Variants in MICAL2 observed in about 807,000 individuals in gnomAD.
The protein encoded by MICAL2 is [F-actin]-monooxygenase MICAL2.
Under a neutral mutation model 127.3 loss-of-function variants are expected in MICAL2, and 77 were observed. The observed-to-expected ratio is 0.60, with a 90% confidence interval of 0.50 to 0.73. The LOEUF (loss-of-function observed/expected upper bound fraction) is 0.73. MICAL2 is among the 30% of genes least tolerant of loss of function. MICAL2 has a pLI of 0.00. For synonymous variants in MICAL2, 570 were observed against 551.1 expected (o/e 1.03, Z -0.48); for missense variants, 1,351 against 1,434.4 (o/e 0.94, Z 0.94).
intron 29 of MICAL2, among the ~76,000 whole-genome samples, chr11:12,300,758 A>G (rs1180719062): frequency 1.3e-5 from 2 of 152,176 alleles, no homozygotes; most frequent in Non-Finnish European, 2.9e-5. Flanking sequence ...GCAGCCTTAT[A>G]AGACCCTGAG....
At chr11:12,136,545 G>C (rs1851853096) in intron 1 of MICAL2, among the ~76,000 whole-genome samples, 1 of 152,104 alleles carries the variant, frequency 6.6e-6, no homozygotes, top group Admixed American at 6.5e-5. Context: ...TACCTGGAGG[G>C]GGGCAGCTGA....
At chr11:12,291,367 A>G (rs538006346), downstream of MICAL2, among the ~76,000 whole-genome samples, 3 of 152,270 alleles carry the variant, frequency 2.0e-5, no homozygotes, top group East Asian at 5.8e-4. Flanking sequence ...GACAGTGCGC[A>G]CATGTGAGCT....
chr11:12,332,709 TA>T (rs1729486599), intron 32 of MICAL2, among the ~76,000 whole-genome samples: 1 of 152,140 alleles, frequency 6.6e-6, no homozygotes, highest in Non-Finnish European at 1.5e-5. Flanking sequence ...AGTTGTCCCA[TA>T]GCTAGGGAGC....
intron 3 of MICAL2, among the ~76,000 whole-genome samples, chr11:12,182,814 C>T (rs1384434883): frequency 6.6e-6 from 1 of 152,184 alleles, no homozygotes; most frequent in Non-Finnish European, 1.5e-5. Flanking sequence ...CACCTCCAGC[C>T]TGAGCTCATG....
chr11:12,190,321 C>T (rs898834731), intron 3 of MICAL2, among the ~76,000 whole-genome samples: 1 of 152,160 alleles, frequency 6.6e-6, no homozygotes, highest in African/African-American at 2.4e-5. Context: ...CCTACGTAAC[C>T]ATCTTCTGTG....
At position 12,220,150 on chromosome 11, in the gene MICAL2, G is replaced by C. The variant is rs758556402; in HGVS notation, c.949-51G>C. On this transcript the variant is annotated intron_variant, in intron 8 of 27. Coordinates refer to ENST00000683283, the MANE Select transcript of MICAL2 (RefSeq NM_001282663.2). ...CTTTTGCCAAGAGGTGGGTATGAAG[G>C]CTAGCCCTTTAGAGGGGGAGGTTGC... 21 of 1,606,826 alleles carry C rather than the reference G, an allele frequency of 1.3e-5. No individual in the cohort carries two copies. In the South Asian group the frequency reaches 1.5e-4, roughly 12 times the overall value.
At chr11:12,299,040 C>T (rs1864016995) in intron 29 of MICAL2, among the ~76,000 whole-genome samples, 1 of 152,098 alleles carries the variant, frequency 6.6e-6, no homozygotes, top group African/African-American at 2.4e-5. Context: ...ATTTTCCTGG[C>T]TTGCTTAGCA....
At position 12,224,699 on chromosome 11, in the gene MICAL2, C is replaced by T. The variant is rs953864826; in HGVS notation, c.1567C>T (p.Leu523=). The T allele has an allele frequency of 1.2e-6, 2 of 1,614,066 alleles. No homozygotes were observed. Among genetic ancestry groups the T allele is most frequent in the African/African-American group, 2.7e-5 (2 of 74,936 alleles). ...KESDIRPSKL[L]TWCQQQTEGY... Reference sequence around the variant, plus strand: ...GTCAGATATCCGGCCCAGCAAGCTCCTGACCTGGTGCCAGCAGCAGACAGA... The same window carrying T: ...GTCAGATATCCGGCCCAGCAAGCTCTTGACCTGGTGCCAGCAGCAGACAGA... Residue 523 remains leucine (L), a synonymous_variant, in exon 13 of 28, where the codon CTG becomes TTG. Transcript: ENST00000683283.
Position 12,214,521 on chromosome 11 carries a change from A to C in MICAL2, c.847+1111A>C, listed in dbSNP as rs117566332. On this transcript the variant is annotated intron_variant, in intron 7 of 27. Coordinates refer to ENST00000683283, the MANE Select transcript of MICAL2 (RefSeq NM_001282663.2). Reference sequence around the variant, plus strand: ...TAGGGGCTGTGGAATATCTCATCAAATTGATGTATTGTCACTGCCTAAGCA... The same window carrying C: ...TAGGGGCTGTGGAATATCTCATCAACTTGATGTATTGTCACTGCCTAAGCA... Among the ~76,000 whole-genome samples, 1,046 of 152,336 alleles carry C rather than the reference A, an allele frequency of 6.9e-3. 3 individuals carry two copies. Among genetic ancestry groups the C allele is most frequent in the Middle Eastern group, 0.017 (5 of 294 alleles).
intron 3 of MICAL2, among the ~76,000 whole-genome samples, chr11:12,184,536 G>A (rs1312013681): frequency 6.6e-6 from 1 of 152,220 alleles, no homozygotes; most frequent in East Asian, 1.9e-4. Flanking sequence ...CTGTCCCAGC[G>A]AATGTCTGAC....
intron 22 of MICAL2, chr11:12,250,104 G>T (rs566840753): frequency 6.6e-6 from 1 of 152,316 alleles, no homozygotes; most frequent in East Asian, 1.9e-4. Flanking sequence ...CAACAGCTGC[G>T]TCGCCGTGTT....
intron 1 of MICAL2, among the ~76,000 whole-genome samples, chr11:12,279,329 G>A (rs1218003849): frequency 6.6e-6 from 1 of 152,172 alleles, no homozygotes; most frequent in Non-Finnish European, 1.5e-5. Flanking sequence ...GTAGATGTGG[G>A]GAGAACATGA....
At chr11:12,180,351 T>TATATA (rs1565108124) in intron 3 of MICAL2, among the ~76,000 whole-genome samples, 1 of 92,700 alleles carries the variant, frequency 1.1e-5, no homozygotes, top group Non-Finnish European at 2.2e-5. Context: ...ATGTATATAT[T>TATATA]TTTTTTTTGG....
At chr11:12,353,134 A>G (rs1017894022) in intron 33 of MICAL2, among the ~76,000 whole-genome samples, 1 of 152,198 alleles carries the variant, frequency 6.6e-6, no homozygotes, top group Non-Finnish European at 1.5e-5. Flanking sequence ...AGATGTAGTA[A>G]AAATAACGCC....
At chr11:12,320,017 C>T (rs547640176) in intron 30 of MICAL2, among the ~76,000 whole-genome samples, 84 of 151,878 alleles carry the variant, frequency 5.5e-4, no homozygotes, top group Middle Eastern at 3.4e-3. Flanking sequence ...CTTTCTCAGA[C>T]GCAAATTTGG....
At chr11:12,187,881 C>T (rs931660552) in intron 3 of MICAL2, among the ~76,000 whole-genome samples, 15 of 131,544 alleles carry the variant, frequency 1.1e-4, no homozygotes, top group African/African-American at 3.7e-4. Context: ...CTGGGGTAGG[C>T]GGGTTGTTGA....
chr11:12,230,348 G>A (rs980970356), intron 15 of MICAL2, among the ~76,000 whole-genome samples: 1 of 152,030 alleles, frequency 6.6e-6, no homozygotes, highest in East Asian at 1.9e-4. Context: ...GTACATAAAG[G>A]CTCCCTCACA....
intron 1 of MICAL2, chr11:12,276,579 T>G (rs536563682): frequency 1.3e-5 from 2 of 155,400 alleles, no homozygotes; most frequent in Admixed American, 1.3e-4. Flanking sequence ...GTGGGGAACA[T>G]GAGGAGCGAA....
intron 34 of MICAL2, among the ~76,000 whole-genome samples, chr11:12,358,030 G>C (rs1023028117): frequency 1.2e-4 from 18 of 152,138 alleles, no homozygotes; most frequent in South Asian, 4.2e-4. Context: ...GGGTTTGGCT[G>C]GTATTAAATT....
Sources: gnomAD v4.1 joint callset for allele counts (sites outside exome capture counted in the v4.1 genomes callset) on GRCh38, gnomAD v4.1.1 for gene constraint, MANE v1.5 for transcripts, NCBI Gene and HGNC (gene_info 2026-07-23, HGNC 2026-07-21) for gene names.